CRTC1: variants seen among roughly 807,000 people sequenced by gnomAD.
CRTC1 encodes CREB-regulated transcription coactivator 1.
In CRTC1, 18 loss-of-function variants were observed where a neutral mutation model predicts 66.1. The ratio of observed to expected loss-of-function variants is 0.27; its 90% CI spans 0.19 to 0.40. The LOEUF (loss-of-function observed/expected upper bound fraction) is 0.40, where lower values mean the gene tolerates loss of function less well. CRTC1 is among the 10% of genes least tolerant of loss of function. The probability of loss-of-function intolerance (pLI) is 1.00; values close to 1 mark genes in which losing one functional copy is unlikely to be tolerated. For missense variants in CRTC1, 669 were observed against 887.9 expected (o/e 0.75, Z 3.13); for synonymous variants, 416 against 398.8 (o/e 1.04, Z -0.51).
rs2054228937 is a variant in CRTC1 at position 18,746,043 on chromosome 19, A to AC, written c.381+84dup. 3.3e-6 allele frequency: 5 copies of AC among 1,508,430 alleles called. No homozygotes were observed. In the Admixed American group the frequency reaches 1.0e-4, roughly 31 times the overall value. 93.4% of individuals were successfully genotyped at this position (1,508,430 alleles called of 1,614,324 possible). Reference sequence around the variant, plus strand: ...CCCCAAGTTTACCCAGCAGGTTCTGACAGGGCTGCCTGCTTCCAGCTCTGG... The same window carrying AC: ...CCCCAAGTTTACCCAGCAGGTTCTGACCAGGGCTGCCTGCTTCCAGCTCTGG... On this transcript the variant is annotated intron_variant, in intron 3 of 13. Coordinates refer to ENST00000321949, the MANE Select transcript of CRTC1 (RefSeq NM_015321.3).
At chr19:18,769,115 A>C (rs914268982) in intron 10 of CRTC1, among the ~76,000 whole-genome samples, 2 of 152,206 alleles carry the variant, frequency 1.3e-5, no homozygotes. Flanking sequence ...CCTAGGAGGC[A>C]AGAAGAGTAC....
chr19:18,747,319 C>G (rs551875605), intron 4 of CRTC1, among the ~76,000 whole-genome samples: 4 of 152,014 alleles, frequency 2.6e-5, no homozygotes, highest in Non-Finnish European at 5.9e-5. Flanking sequence ...CCCTTCCCCC[C>G]ACTTATGACA....
intron 1 of CRTC1, among the ~76,000 whole-genome samples, chr19:18,718,010 CACATA>C (rs1467145544): frequency 3.3e-5 from 5 of 152,170 alleles, no homozygotes; most frequent in South Asian, 2.1e-4. Context: ...AGGTGAACAC[CACATA>C]ACATAAGATT....
In CRTC1 at chr19:18,768,356, G is replaced by A; in HGVS notation, c.1012-129G>A. The A allele has an allele frequency of 1.3e-6, 1 of 754,038 alleles. No homozygotes were observed. The highest frequency in any genetic ancestry group is 1.8e-5 in the South Asian group (1 of 56,332). 46.7% of individuals were successfully genotyped at this position (754,038 alleles called of 1,614,324 possible). A position where few individuals can be genotyped will look rare whatever the true frequency, so the allele number is the denominator to read the frequency against. On this transcript the variant is annotated intron_variant, in intron 9 of 13. Coordinates refer to ENST00000321949, the MANE Select transcript of CRTC1 (RefSeq NM_015321.3). This position sits in a 1 kb window ranked among gnomAD's most constrained non-coding sequence, Gnocchi z 5.6. ...GCTCCCTCATCGTGAGGAGCACCCAGCCCAGGGGCTGCCTGTGATCACAGG... is the reference window on the plus strand; with the variant it reads ...GCTCCCTCATCGTGAGGAGCACCCAACCCAGGGGCTGCCTGTGATCACAGG...
At position 18,711,606 on chromosome 19, in the gene CRTC1, A is replaced by AG. The variant is rs1378955162; in HGVS notation, c.126+27780dup. ...GGCCACGCTCCTGCTCCTGCCTGCC[A>AG]GGTTACAGGCTCTGACGTGGGCCTG... On this transcript the variant is annotated intron_variant, in intron 1 of 13. Transcript: ENST00000321949. Among the ~76,000 whole-genome samples the AG allele has an allele frequency of 3.9e-5, 6 of 152,202 alleles. No individual in the cohort carries two copies. In the East Asian group the frequency reaches 1.2e-3, roughly 29 times the overall value.
intron 6 of CRTC1, 98 bp downstream of exon 6, chr19:18,753,683 C>A: frequency 2.5e-6 from 2 of 812,174 alleles, no homozygotes; most frequent in South Asian, 1.6e-5. Flanking sequence ...GGTGGCTTCA[C>A]CTTCCCAAGA....
At chr19:18,761,489 C>G (rs1407834723) in intron 8 of CRTC1, among the ~76,000 whole-genome samples, 1 of 152,234 alleles carries the variant, frequency 6.6e-6, no homozygotes, top group Non-Finnish European at 1.5e-5. Flanking sequence ...GCCCACTCCA[C>G]CAGCCCATCC....
intron 1 of CRTC1, among the ~76,000 whole-genome samples, chr19:18,718,978 C>T (rs536515617): frequency 1.6e-4 from 25 of 152,256 alleles, no homozygotes; most frequent in Non-Finnish European, 3.1e-4. Flanking sequence ...GAAGGAGTCT[C>T]GGCAGCCACT....
At chr19:18,709,328 C>A (rs1051242770) in intron 1 of CRTC1, among the ~76,000 whole-genome samples, 9 of 152,122 alleles carry the variant, frequency 5.9e-5, no homozygotes, top group Admixed American at 1.3e-4. Flanking sequence ...CTCATGGTGC[C>A]TTTTTATGCC....
intron 1 of CRTC1, among the ~76,000 whole-genome samples, chr19:18,729,813 C>T (rs1456623975): frequency 3.3e-5 from 5 of 152,098 alleles, no homozygotes; most frequent in African/African-American, 4.8e-5. Flanking sequence ...TTCCCAGCCC[C>T]GCAGCCCTGT....
chr19:18,771,473 C>T lies in CRTC1; in HGVS notation c.1352C>T (p.Ala451Val), dbSNP rs1267532104. ...APALQQYRTS[A>V]GSPANQSPTS... Reference sequence around the variant, plus strand: ...GCTCTGCAGCAGTACCGCACTAGCGCCGGCTCCCCGGCCAACCAGTCTCCC... The same window carrying T: ...GCTCTGCAGCAGTACCGCACTAGCGTCGGCTCCCCGGCCAACCAGTCTCCC... The change falls in exon 11 of 14, where the codon GCC becomes GTC. Residue 451 changes from alanine (A) to valine (V), a missense_variant. This residue lies in a region of CRTC1 where 241 missense variants were observed against 242.2 expected (regional missense o/e 0.99). Coordinates refer to ENST00000321949, the MANE Select transcript of CRTC1 (RefSeq NM_015321.3). The surrounding 1 kb of genome is among the most constrained non-coding windows in gnomAD (Gnocchi z 4.6). 6.2e-7 allele frequency: 1 copy of T among 1,613,656 alleles called. No homozygotes were observed. Among genetic ancestry groups the T allele is most frequent in the Non-Finnish European group, 8.5e-7 (1 of 1,179,770 alleles).
intron 9 of CRTC1, among the ~76,000 whole-genome samples, chr19:18,767,849 G>A (rs1282367440): frequency 5.3e-5 from 8 of 152,234 alleles, no homozygotes; most frequent in Admixed American, 3.9e-4. Context: ...TCCTGGGCAC[G>A]CTCAGCCTTT....
chr19:18,706,182 CTTTTTTTTTTTTTTTTTTT>C (rs58104974), intron 1 of CRTC1, among the ~76,000 whole-genome samples: 35 of 18,716 alleles, frequency 1.9e-3, no homozygotes, highest in African/African-American at 3.6e-3. Flanking sequence ...TTCCATTGGT[CTTTTTTTTTTTTTTTTTTT>C]TTTTTTTTTT....
chr19:18,732,470 C>T (rs547864776), intron 1 of CRTC1, among the ~76,000 whole-genome samples: 1 of 152,380 alleles, frequency 6.6e-6, no homozygotes, highest in Non-Finnish European at 1.5e-5. Flanking sequence ...GGAAGGCATT[C>T]TGTCCAGAGG....
In CRTC1 at chr19:18,741,590, C is replaced by T. The variant is rs1291599118; in HGVS notation, c.127-1320C>T. ...TAGGACCCCCACCCTACACCCCCTC[C>T]CTCTGCCACAGCCCGGAGCTGGCCT... On this transcript the variant is annotated intron_variant, in intron 1 of 13. Transcript: ENST00000321949. The surrounding 1 kb of genome is among the most constrained non-coding windows in gnomAD (Gnocchi z 4.2). Among the ~76,000 whole-genome samples, 1 of 152,148 alleles carries T rather than the reference C, an allele frequency of 6.6e-6. No homozygotes were observed. The highest frequency in any genetic ancestry group is 1.5e-5 in the Non-Finnish European group (1 of 68,008).
At chr19:18,753,037 G>A (rs997721005) in intron 5 of CRTC1, among the ~76,000 whole-genome samples, 8 of 151,790 alleles carry the variant, frequency 5.3e-5, no homozygotes, top group South Asian at 2.1e-4. Flanking sequence ...AGGCCAAGGC[G>A]GGCGGATCAT....
intron 1 of CRTC1, among the ~76,000 whole-genome samples, chr19:18,713,617 T>C (rs1362574697): frequency 1.3e-5 from 2 of 152,228 alleles, no homozygotes; most frequent in Admixed American, 1.3e-4. Flanking sequence ...GGGTCTGTAG[T>C]GTTTCTGTAT....
chr19:18,699,254 G>C (rs908867015), intron 1 of CRTC1, among the ~76,000 whole-genome samples: 1 of 152,222 alleles, frequency 6.6e-6, no homozygotes, highest in African/African-American at 2.4e-5. Context: ...TGGGAGGGGT[G>C]TGCGGGGTCT....
At chr19:18,684,717 G>A (rs1322391766) in intron 1 of CRTC1, among the ~76,000 whole-genome samples, 1 of 152,172 alleles carries the variant, frequency 6.6e-6, no homozygotes, top group Non-Finnish European at 1.5e-5. Context: ...TGCCTCAGGT[G>A]GCTGGGCGCA....
Sources: gnomAD v4.1 joint callset for allele counts (sites outside exome capture counted in the v4.1 genomes callset) on GRCh38, gnomAD v4.1.1 for gene constraint, gnomAD v4.1.1 regional missense constraint, Gnocchi (gnomAD v3.1) non-coding constraint, MANE v1.5 for transcripts, NCBI Gene and HGNC (gene_info 2026-07-23, HGNC 2026-07-21) for gene names.